The following SIDT2 variants were observed in gnomAD, a reference collection of about 807,000 sequenced individuals.
SIDT2 encodes SID1 transmembrane family, member 2.
A neutral mutation model predicts 114.4 loss-of-function variants in SIDT2; 68 were observed. The ratio of observed to expected loss-of-function variants is 0.59; its 90% CI spans 0.49 to 0.73. SIDT2 has a LOEUF of 0.73. Ranked by LOEUF, SIDT2 falls within the 30% of genes least tolerant of loss-of-function variation. The probability of loss-of-function intolerance (pLI) is 0.00; values close to 1 mark genes in which losing one functional copy is unlikely to be tolerated. For missense variants in SIDT2, 918 were observed against 1,097.1 expected (o/e 0.84, Z 2.31); for synonymous variants, 470 against 438.4 (o/e 1.07, Z -0.90).
At position 117,190,263 on chromosome 11, in the gene SIDT2, C is replaced by G; in HGVS notation, c.1591C>G (p.Leu531Val). 6.4e-7 allele frequency: 1 copy of G among 1,560,208 alleles called. No individual in the cohort carries two copies. The highest frequency in any genetic ancestry group is 1.4e-5 in the African/African-American group (1 of 73,376). The change falls in exon 17 of 26, where the codon CTG (leucine) becomes GTG (valine). Residue 531 changes from leucine (L) to valine (V), a missense_variant. Physicochemically the swap from Leu to Val is conservative, Grantham distance 32 (BLOSUM62 1). Coordinates refer to ENST00000324225, the MANE Select transcript of SIDT2 (RefSeq NM_001040455.2). This position sits in a 1 kb window ranked among gnomAD's most constrained non-coding sequence, Gnocchi z 4.1. ...ACGGGAGATCAACCACAACCGGGCCCTGCTGCGCAATGACCTCTGTGCCCT... is the reference window on the plus strand; with the variant it reads ...ACGGGAGATCAACCACAACCGGGCCGTGCTGCGCAATGACCTCTGTGCCCT... ...LQREINHNRA[L>V]LRNDLCALEC...
rs372778358 is a variant in SIDT2 at position 117,182,712 on chromosome 11, C to T, written c.619-11C>T. 13 of 1,613,968 alleles carry T rather than the reference C, an allele frequency of 8.1e-6. No homozygotes were observed. In the African/African-American group the frequency reaches 1.7e-4, roughly 22 times the overall value. ...GGTTCCCATCCATCTGCCTCTCCCG[C>T]CCCTCTGCAGTGTCCTGTCTATGAC... On this transcript the variant is annotated splice_polypyrimidine_tract_variant and intron_variant, in intron 5 of 25. Transcript: ENST00000324225.
In SIDT2 at chr11:117,190,011, A is replaced by G. The variant is rs753097937; in HGVS notation, c.1479A>G (p.Pro493=). 2 of 1,613,938 alleles carry G rather than the reference A, an allele frequency of 1.2e-6. No homozygotes were observed. The highest frequency in any genetic ancestry group is 2.2e-5 in the East Asian group (1 of 44,848). Residue 493 remains proline (P), a synonymous_variant, in exon 16 of 26, where the codon CCA becomes CCG. Transcript: ENST00000324225. This position sits in a 1 kb window ranked among gnomAD's most constrained non-coding sequence, Gnocchi z 4.1. ...ACTACAACTTCCTCTGCGCCCACCCACTGGGCAATCTCAGGTGGGGGTCAT... is the reference window on the plus strand; with the variant it reads ...ACTACAACTTCCTCTGCGCCCACCCGCTGGGCAATCTCAGGTGGGGGTCAT... ...ICYYNFLCAH[P]LGNLSAFNNI... is the part of the protein sequence containing the mutation.
At position 117,188,356 on chromosome 11, in the gene SIDT2, G is replaced by T; in HGVS notation, c.1160-352G>T. ...AGAACCCACAGGGCTGGGCACCCTTGAATCAGCATGACTTGCCGAGTTCAA... is the reference window on the plus strand; with the variant it reads ...AGAACCCACAGGGCTGGGCACCCTTTAATCAGCATGACTTGCCGAGTTCAA... On this transcript the variant is annotated intron_variant, in intron 12 of 25. Transcript: ENST00000324225. This position sits in a 1 kb window ranked among gnomAD's most constrained non-coding sequence, Gnocchi z 4.0. 2.8e-6 allele frequency: 1 copy of T among 353,718 alleles called. No homozygotes were observed. Among genetic ancestry groups the T allele is most frequent in the Non-Finnish European group, 5.3e-6 (1 of 187,194 alleles). The allele number at this position is 353,718 out of a possible 1,614,324, so 21.9% of individuals were successfully genotyped here. A position where few individuals can be genotyped will look rare whatever the true frequency, so the allele number is the denominator to read the frequency against.
chr11:117,181,484 C>T lies in SIDT2; in HGVS notation c.252C>T (p.Val84=). ...KQKGAPLLFV[V]RQKEAVVSFQ... is the part of the protein sequence containing the mutation. ...AGGGGGCGCCGTTGCTGTTTGTGGT[C>T]CGCCAGAAGGAGGCTGTGGTGTCCT... Residue 84 remains valine (V), a synonymous_variant, in exon 2 of 26, where the codon GTC becomes GTT. Transcript: ENST00000324225. 6.2e-7 allele frequency: 1 copy of T among 1,613,800 alleles called. No homozygotes were observed. Among genetic ancestry groups the T allele is most frequent in the Non-Finnish European group, 8.5e-7 (1 of 1,179,956 alleles).
In SIDT2 at chr11:117,189,962, TCA is replaced by T. The variant is rs1375954254; in HGVS notation, c.1433_1434del (p.Thr478ArgfsTer57). On this transcript the variant is annotated frameshift_variant, in exon 16 of 26. Coordinates refer to ENST00000324225, the MANE Select transcript of SIDT2 (RefSeq NM_001040455.2). LOFTEE classifies it high-confidence loss of function. ...CTGCTCCTGCTACAGGTGGTGAATGTCACAGGGAATCAGGACATCTGCTACTA... is the reference window on the plus strand; with the variant it reads ...CTGCTCCTGCTACAGGTGGTGAATGTCAGGGAATCAGGACATCTGCTACTA... 3 of 1,614,176 alleles carry T rather than the reference TCA, an allele frequency of 1.9e-6. No homozygotes were observed. Among genetic ancestry groups the T allele is most frequent in the Non-Finnish European group, 2.5e-6 (3 of 1,180,030 alleles).
rs765446955 is a variant in SIDT2 at position 117,184,187 on chromosome 11, C to G, written c.868+48C>G. 9.5e-6 allele frequency: 15 copies of G among 1,585,504 alleles called. No individual in the cohort carries two copies. In the Admixed American group the frequency reaches 1.7e-4, roughly 18 times the overall value. On this transcript the variant is annotated intron_variant, in intron 8 of 25. Transcript: ENST00000324225. ...AGGGGATGGACAAGCCTCTCTGGCT[C>G]CTGCTTTCAGACCTGGGATATAGGG...
At position 117,178,890 on chromosome 11, in the gene SIDT2, C is replaced by T; in HGVS notation, c.-374C>T. On this transcript the variant is annotated 5_prime_UTR_variant, in exon 1 of 26. Coordinates refer to ENST00000324225, the MANE Select transcript of SIDT2 (RefSeq NM_001040455.2). ...CTTCCTCCGCGGCCAGCCCCCGCCGCCGGCTCTTCCTCCCTCCCCTTTCCC... is the reference window on the plus strand; with the variant it reads ...CTTCCTCCGCGGCCAGCCCCCGCCGTCGGCTCTTCCTCCCTCCCCTTTCCC... 4.7e-6 allele frequency: 1 copy of T among 211,974 alleles called. No individual in the cohort carries two copies. 13.1% of individuals were successfully genotyped at this position (211,974 alleles called of 1,614,324 possible). A position where few individuals can be genotyped will look rare whatever the true frequency, so the allele number is the denominator to read the frequency against.
chr11:117,179,277 G>C lies in SIDT2; in HGVS notation c.14G>C (p.Gly5Ala). The stretch of plus-strand genomic sequence containing the variant: ...CCTGCCGGGGCCATGTTCGCTCTGG[G>C]CTTGCCCTTCTTGGTGCTCTTGGTG... MFAL[G>A]LPFLVLLVAS... The change falls in exon 1 of 26, where the codon GGC (glycine) becomes GCC (alanine). Residue 5 changes from glycine (G) to alanine (A), a missense_variant. Physicochemically the swap from Gly to Ala is moderately conservative, Grantham distance 60 (BLOSUM62 0). Around this residue, in one of 4 missense-constraint regions of SIDT2, gnomAD observed 553 missense variants for 600.1 expected, o/e 0.92. Transcript: ENST00000324225. 2.5e-6 allele frequency: 4 copies of C among 1,613,408 alleles called. No individual in the cohort carries two copies. Among genetic ancestry groups the C allele is most frequent in the Non-Finnish European group, 3.4e-6 (4 of 1,179,812 alleles).
Position 117,192,704 on chromosome 11 carries a change from TG to T in SIDT2, c.2058+59del. ...TCCACATCTCCTTTCTTCCCTCTGA[TG>T]GGGGAGTGGGGCTGGGCTGAGGACC... is the stretch of plus-strand genomic sequence containing the variant. On this transcript the variant is annotated intron_variant, in intron 21 of 25. Transcript: ENST00000324225. The surrounding 1 kb of genome is among the most constrained non-coding windows in gnomAD (Gnocchi z 5.9). 1 of 1,612,084 alleles carries T rather than the reference TG, an allele frequency of 6.2e-7. No homozygotes were observed. Among genetic ancestry groups the T allele is most frequent in the Non-Finnish European group, 8.5e-7 (1 of 1,178,876 alleles).
chr11:117,181,876 G>A lies in SIDT2; in HGVS notation c.375G>A (p.Ser125=), dbSNP rs768517886. Residue 125 remains serine, a synonymous_variant, in exon 3 of 26, where the codon TCG becomes TCA. Coordinates refer to ENST00000324225, the MANE Select transcript of SIDT2 (RefSeq NM_001040455.2). ...TLCQPPTKNE[S]EIQFFYVDVS... ...GTCAGCCCCCCACCAAGAATGAGTC[G>A]GAGATTCAGTTCTTCTACGTGGATG... 27 of 1,614,036 alleles carry A rather than the reference G, an allele frequency of 1.7e-5. No individual in the cohort carries two copies. The highest frequency in any genetic ancestry group is 1.6e-4 in the Middle Eastern group (1 of 6,084).
intron 15 of SIDT2, 122 bp from the exon 16 acceptor site, chr11:117,189,830 G>A: frequency 1.2e-6 from 1 of 842,652 alleles, no homozygotes; most frequent in Non-Finnish European, 2.0e-6. Context: ...GCGGTGCTGT[G>A]TATTCCCACC....
At chr11:117,187,979 T>G (rs1457566067) in intron 12 of SIDT2, 2 of 639,910 alleles carry the variant, frequency 3.1e-6, no homozygotes, top group Non-Finnish European at 5.8e-6. Context: ...GGGGTAGGGC[T>G]GTTTTGCCAA....
chr11:117,192,708 G>C lies in SIDT2; in HGVS notation c.2058+58G>C. The C allele has an allele frequency of 1.2e-6, 2 of 1,612,486 alleles. No homozygotes were observed. The highest frequency in any genetic ancestry group is 1.7e-6 in the Non-Finnish European group (2 of 1,179,216). ...CATCTCCTTTCTTCCCTCTGATGGGGGAGTGGGGCTGGGCTGAGGACCCAG... is the reference window on the plus strand; with the variant it reads ...CATCTCCTTTCTTCCCTCTGATGGGCGAGTGGGGCTGGGCTGAGGACCCAG... On this transcript the variant is annotated intron_variant, in intron 21 of 25. Transcript: ENST00000324225. The surrounding 1 kb of genome is among the most constrained non-coding windows in gnomAD (Gnocchi z 5.9).
In SIDT2 at chr11:117,192,675, A is replaced by T. The variant is rs762305732; in HGVS notation, c.2058+25A>T. On this transcript the variant is annotated intron_variant, in intron 21 of 25. Transcript: ENST00000324225. The surrounding 1 kb of genome is among the most constrained non-coding windows in gnomAD (Gnocchi z 5.9). The stretch of plus-strand genomic sequence containing the variant: ...GGTACCTGCCTGGTTCCCCTGCTCC[A>T]TTCTCCACATCTCCTTTCTTCCCTC... 1.9e-6 allele frequency: 3 copies of T among 1,612,814 alleles called. No individual in the cohort carries two copies. In the South Asian group the frequency reaches 3.3e-5, roughly 18 times the overall value.
chr11:117,189,015 T>G, intron 13 of SIDT2, 154 bp from the exon 14 acceptor site: 2 of 989,700 alleles, frequency 2.0e-6, no homozygotes, highest in Non-Finnish European at 3.1e-6. Context: ...CCAAACCCTC[T>G]TGGTCTAAGC....
Position 117,188,752 on chromosome 11 carries a change from A to G in SIDT2, c.1204A>G (p.Met402Val), listed in dbSNP as rs1337859770. ...PVGTRPRVDSMSSVEEDDYDT... is the reference protein window; with the variant it reads ...PVGTRPRVDSVSSVEEDDYDT... Reference sequence around the variant, plus strand: ...AGGTACTCGGCCCCGAGTGGACTCCATGAGCTCTGTGGAGGAGGATGACTA... The same window carrying G: ...AGGTACTCGGCCCCGAGTGGACTCCGTGAGCTCTGTGGAGGAGGATGACTA... The change falls in exon 13 of 26, where the codon ATG becomes GTG. Residue 402 changes from methionine to valine, a missense_variant. This residue lies in a region of SIDT2 where 553 missense variants were observed against 600.1 expected (regional missense o/e 0.92). Transcript: ENST00000324225. This position sits in a 1 kb window ranked among gnomAD's most constrained non-coding sequence, Gnocchi z 4.0. The G allele has an allele frequency of 2.5e-6, 4 of 1,613,702 alleles. No individual in the cohort carries two copies. Among genetic ancestry groups the G allele is most frequent in the Non-Finnish European group, 2.5e-6 (3 of 1,179,908 alleles).
chr11:117,188,651 G>C lies in SIDT2; in HGVS notation c.1160-57G>C, dbSNP rs200339666. 1.2e-3 allele frequency: 1,541 copies of C among 1,335,990 alleles called. 4 individuals carry two copies. Among genetic ancestry groups the C allele is most frequent in the Middle Eastern group, 3.3e-3 (18 of 5,520 alleles). 82.8% of individuals were successfully genotyped at this position (1,335,990 alleles called of 1,614,324 possible). A position where few individuals can be genotyped will look rare whatever the true frequency, so the allele number is the denominator to read the frequency against. ...TGTTACAATTGCCTCAGATGGGCGA[G>C]GGCCACTGTGGGTTTTGTGTCCACC... On this transcript the variant is annotated intron_variant, in intron 12 of 25. Transcript: ENST00000324225. This position sits in a 1 kb window ranked among gnomAD's most constrained non-coding sequence, Gnocchi z 4.0.
Position 117,181,877 on chromosome 11 carries a change from G to C in SIDT2, c.376G>C (p.Glu126Gln). The C allele has an allele frequency of 6.2e-7, 1 of 1,614,194 alleles. No homozygotes were observed. The highest frequency in any genetic ancestry group is 1.1e-5 in the South Asian group (1 of 91,084). Residue 126 changes from glutamate (E) to glutamine (Q), a missense_variant, in exon 3 of 26, where the codon GAG becomes CAG. Glu to Gln is a conservative substitution (Grantham distance 29). Transcript: ENST00000324225. ...TCAGCCCCCCACCAAGAATGAGTCG[G>C]AGATTCAGTTCTTCTACGTGGATGT... The part of the protein sequence containing the change: ...LCQPPTKNES[E>Q]IQFFYVDVST...
Position 117,193,812 on chromosome 11 carries a change from G to A in SIDT2, c.2212-41G>A, listed in dbSNP as rs539391681. ...GGGTGGGACAGCGGGGTGGGACAGG[G>A]GTAAGCCCTCAGACTGCTGTCCCTG... is the stretch of plus-strand genomic sequence containing the variant. On this transcript the variant is annotated intron_variant, in intron 23 of 25. Coordinates refer to ENST00000324225, the MANE Select transcript of SIDT2 (RefSeq NM_001040455.2). 14 of 1,475,364 alleles carry A rather than the reference G, an allele frequency of 9.5e-6. No individual in the cohort carries two copies. In the African/African-American group the frequency reaches 1.4e-4, roughly 15 times the overall value. 91.4% of individuals were successfully genotyped at this position (1,475,364 alleles called of 1,614,324 possible).
Sources: gnomAD v4.1 joint callset for allele counts on GRCh38, gnomAD v4.1.1 for gene constraint, gnomAD v4.1.1 regional missense constraint, Gnocchi (gnomAD v3.1) non-coding constraint, MANE v1.5 for transcripts, NCBI Gene and HGNC (gene_info 2026-07-23, HGNC 2026-07-21) for gene names.